The following TM4SF5 variants were observed in gnomAD, a reference collection of about 807,000 sequenced individuals.
TM4SF5 encodes the protein transmembrane 4 L6 family member 5.
A neutral mutation model predicts 22.3 loss-of-function variants in TM4SF5; 16 were observed. That is an observed-to-expected ratio of 0.72 (90% CI 0.49 to 1.09). The LOEUF (loss-of-function observed/expected upper bound fraction) is 1.09, where lower values mean the gene tolerates loss of function less well. TM4SF5 is among the 50% of genes least tolerant of loss of function. The probability of loss-of-function intolerance (pLI) is 0.00; values close to 1 mark genes in which losing one functional copy is unlikely to be tolerated. For synonymous variants in TM4SF5, 113 were observed against 109.6 expected (o/e 1.03, Z -0.19); for missense variants, 249 against 266.1 (o/e 0.94, Z 0.45).
At position 4,782,935 on chromosome 17, in the gene TM4SF5, C is replaced by G. The variant is rs1315071915; in HGVS notation, c.477C>G (p.Phe159Leu). 2 of 1,614,264 alleles carry G rather than the reference C, an allele frequency of 1.2e-6. No homozygotes were observed. The highest frequency in any genetic ancestry group is 2.2e-5 in the South Asian group (2 of 91,092). ...PRVVPWNVTL[F>L]SLLVAASCLE... ...TGGTCCCCTGGAATGTGACGCTCTTCTCGCTGCTGGTGGCCGCCTCCTGCC... is the reference window on the plus strand; with the variant it reads ...TGGTCCCCTGGAATGTGACGCTCTTGTCGCTGCTGGTGGCCGCCTCCTGCC... Residue 159 changes from phenylalanine (F) to leucine (L), a missense_variant, in exon 4 of 5, where the codon TTC becomes TTG. Physicochemically the swap from Phe to Leu is conservative, Grantham distance 22 (BLOSUM62 0). Transcript: ENST00000270560.
intron 1 of TM4SF5, among the ~76,000 whole-genome samples, chr17:4,775,134 C>T (rs1917182419): frequency 6.6e-6 from 1 of 151,872 alleles, no homozygotes; most frequent in South Asian, 2.1e-4. Context: ...GACAGGTGGC[C>T]GGTGAGGTGA....
At chr17:4,774,160 C>T (rs1292319300) in intron 1 of TM4SF5, among the ~76,000 whole-genome samples, 3 of 152,154 alleles carry the variant, frequency 2.0e-5, no homozygotes, top group East Asian at 1.9e-4. Context: ...TGCAGTGAGG[C>T]GAGATTGCGC....
Position 4,771,944 on chromosome 17 carries a change from C to G in TM4SF5, c.22C>G (p.Arg8Gly). 1 of 1,614,196 alleles carries G rather than the reference C, an allele frequency of 6.2e-7. No homozygotes were observed. The highest frequency in any genetic ancestry group is 8.5e-7 in the Non-Finnish European group (1 of 1,180,040). MCTGKCARCVGLSLITLC... is the reference protein window; with the variant it reads MCTGKCAGCVGLSLITLC... ...CACCATGTGTACGGGAAAATGTGCC[C>G]GCTGTGTGGGGCTCTCCCTCATTAC... The change falls in exon 1 of 5, where the codon CGC (arginine) becomes GGC (glycine). Residue 8 changes from arginine (R) to glycine (G), a missense_variant. Transcript: ENST00000270560.
At chr17:4,782,383 A>G in intron 2 of TM4SF5, 120 bp from the exon 3 acceptor site, 1 of 1,313,560 alleles carries the variant, frequency 7.6e-7, no homozygotes, top group Non-Finnish European at 1.1e-6. Flanking sequence ...CCGGCATTAA[A>G]AAATACATTT....
At chr17:4,782,238 C>G (rs1917324626) in intron 2 of TM4SF5, among the ~76,000 whole-genome samples, 1 of 151,724 alleles carries the variant, frequency 6.6e-6, no homozygotes, top group Non-Finnish European at 1.5e-5. Flanking sequence ...GCCACCACAC[C>G]CGGCTAATTT....
At chr17:4,774,589 C>A (rs1917174878) in intron 1 of TM4SF5, among the ~76,000 whole-genome samples, 1 of 151,944 alleles carries the variant, frequency 6.6e-6, no homozygotes, top group Non-Finnish European at 1.5e-5. Flanking sequence ...AAGTATAGAA[C>A]TAGGCAAGGC....
chr17:4,781,762 C>G (rs975935112), intron 2 of TM4SF5, among the ~76,000 whole-genome samples: 1 of 151,972 alleles, frequency 6.6e-6, no homozygotes, highest in Non-Finnish European at 1.5e-5. Flanking sequence ...CGATCTGCCC[C>G]CCTTGGCCTC....
chr17:4,781,514 T>G (rs1318849784), intron 2 of TM4SF5, among the ~76,000 whole-genome samples: 1 of 152,082 alleles, frequency 6.6e-6, no homozygotes, highest in Non-Finnish European at 1.5e-5. Context: ...TTATTTTACA[T>G]TTATTTATCT....
rs139220166 is a variant in TM4SF5, at chr17:4,772,711, G to A, written c.177+612G>A. Among the ~76,000 whole-genome samples the A allele has an allele frequency of 3.6e-3, 502 of 141,318 alleles. 5 individuals carry two copies. The highest frequency in any genetic ancestry group is 0.013 in the African/African-American group (471 of 35,874). 92.7% of individuals were successfully genotyped at this position (141,318 alleles called of 152,430 possible). On this transcript the variant is annotated intron_variant, in intron 1 of 4. Transcript: ENST00000270560. ...GAGGTGGGGGTTGGTTTTTGTGTTT[G>A]TTTTTTGTTTTTTTTTTTTTTTGAG...
At chr17:4,775,216 A>T (rs1412255491) in intron 1 of TM4SF5, among the ~76,000 whole-genome samples, 1 of 151,928 alleles carries the variant, frequency 6.6e-6, no homozygotes, top group African/African-American at 2.4e-5. Context: ...CAGTGGAGTC[A>T]TTTGAATTTT....
At chr17:4,775,349 C>G (rs1917185827) in intron 1 of TM4SF5, among the ~76,000 whole-genome samples, 1 of 151,444 alleles carries the variant, frequency 6.6e-6, no homozygotes, top group South Asian at 2.1e-4. Flanking sequence ...AGCTCCACCT[C>G]TTGGGTTCAC....
At chr17:4,776,140 C>T (rs1202937598) in intron 1 of TM4SF5, among the ~76,000 whole-genome samples, 4 of 152,020 alleles carry the variant, frequency 2.6e-5, no homozygotes, top group East Asian at 1.9e-4. Flanking sequence ...TGAGCCACCG[C>T]GCCTGGCCTG....
rs150056229 is a variant in TM4SF5 at position 4,780,564 on chromosome 17, C to T, written c.178-225C>T. 3.9e-3 allele frequency among the ~76,000 whole-genome samples: 599 copies of T among 152,202 alleles called. 4 individuals are homozygous for T. The highest frequency in any genetic ancestry group is 0.013 in the African/African-American group (543 of 41,516). Reference sequence around the variant, plus strand: ...GATTGGGGAAAATAATGATATTGGGCCCTACCCTCTAGAGGCCACAATCTG... The same window carrying T: ...GATTGGGGAAAATAATGATATTGGGTCCTACCCTCTAGAGGCCACAATCTG... On this transcript the variant is annotated intron_variant, in intron 1 of 4. Coordinates refer to ENST00000270560, the MANE Select transcript of TM4SF5 (RefSeq NM_003963.3).
chr17:4,774,266 G>C (rs1917169508), intron 1 of TM4SF5, among the ~76,000 whole-genome samples: 1 of 151,612 alleles, frequency 6.6e-6, no homozygotes, highest in African/African-American at 2.4e-5. Context: ...GACACAGACA[G>C]GTTCCTGCTC....
chr17:4,777,830 G>A (rs1917235782), intron 1 of TM4SF5, among the ~76,000 whole-genome samples: 1 of 152,098 alleles, frequency 6.6e-6, no homozygotes, highest in African/African-American at 2.4e-5. Context: ...GTTACAGCGA[G>A]CCAAGATCGC....
At chr17:4,774,343 G>A (rs1306536867) in intron 1 of TM4SF5, among the ~76,000 whole-genome samples, 7 of 152,134 alleles carry the variant, frequency 4.6e-5, no homozygotes, top group African/African-American at 4.8e-5. Flanking sequence ...GAAGTCCCAC[G>A]AGAGCAAGCA....
chr17:4,780,961 C>A, intron 2 of TM4SF5, 92 bp downstream of exon 2: 1 of 1,108,112 alleles, frequency 9.0e-7, no homozygotes, highest in Non-Finnish European at 1.3e-6. Context: ...GGGAGTACGG[C>A]TTGAGCCAGG....
chr17:4,780,682 A>G, intron 1 of TM4SF5, 107 bp from the exon 2 acceptor site: 1 of 788,944 alleles, frequency 1.3e-6, no homozygotes, highest in Non-Finnish European at 2.0e-6. Context: ...TACAGTCCAA[A>G]GGGCTGAAGG....
chr17:4,777,407 C>T (rs902310561), intron 1 of TM4SF5, among the ~76,000 whole-genome samples: 1 of 152,076 alleles, frequency 6.6e-6, no homozygotes, highest in Non-Finnish European at 1.5e-5. Context: ...GAAGCACATA[C>T]TACAAAGGGA....
Sources: allele counts gnomAD v4.1 joint callset (sites outside exome capture counted in the v4.1 genomes callset), GRCh38; gene constraint gnomAD v4.1.1; transcripts MANE v1.5; gene names NCBI Gene and HGNC (gene_info 2026-07-23, HGNC 2026-07-21).